The following KIF2C variants were observed in gnomAD, a reference collection of about 807,000 sequenced individuals.
KIF2C encodes kinesin family member 2C.
Under a neutral mutation model 97.4 loss-of-function variants are expected in KIF2C, and 34 were observed. The ratio of observed to expected loss-of-function variants is 0.35; its 90% confidence interval spans 0.27 to 0.46. KIF2C has a LOEUF of 0.46. KIF2C is among the 20% of genes least tolerant of loss of function. The probability of loss-of-function intolerance (pLI) is 1.00; values close to 1 mark genes in which losing one functional copy is unlikely to be tolerated. For missense variants in KIF2C, 750 were observed against 907.6 expected, an observed-to-expected ratio of 0.83 and a Z score of 2.23; for synonymous variants, 313 against 318.2, an observed-to-expected ratio of 0.98 and a Z score of 0.17.
At chr1:44,749,563 G>A (rs1034817661) in intron 4 of KIF2C, among the ~76,000 whole-genome samples, 1 of 152,016 alleles carries the variant, frequency 6.6e-6, no homozygotes, top group Non-Finnish European at 1.5e-5. Flanking sequence ...ACCAGCCTGG[G>A]CAATATAGCA....
intron 5 of KIF2C, 45 bp from the exon 6 acceptor site, chr1:44,753,087 G>A (rs747895656): frequency 6.3e-7 from 1 of 1,585,590 alleles, no homozygotes; most frequent in South Asian, 1.1e-5. Flanking sequence ...TGAGATGCCT[G>A]TGGTATACTT....
rs1420390396 is a variant in KIF2C at position 44,739,931 on chromosome 1, G to T, written c.-2G>T. The T allele has an allele frequency of 1.9e-6, 3 of 1,613,998 alleles. No individual in the cohort carries two copies. Among genetic ancestry groups the T allele is most frequent in the African/African-American group, 2.7e-5 (2 of 74,932 alleles). ...CGTTTCTCTTCCTTGCTGACTCTCC[G>T]AATGGCCATGGACTCGTCGCTTCAG... is the stretch of plus-strand genomic sequence containing the variant. On this transcript the variant is annotated 5_prime_UTR_variant, in exon 1 of 21. Transcript: ENST00000372224.
chr1:44,743,047 G>A (rs528875497), intron 2 of KIF2C, among the ~76,000 whole-genome samples: 5 of 152,208 alleles, frequency 3.3e-5, no homozygotes, highest in Non-Finnish European at 5.9e-5. Flanking sequence ...AGCTGGCCAC[G>A]AGCAGTGCAG....
At chr1:44,749,774 G>T (rs1649407564) in intron 4 of KIF2C, among the ~76,000 whole-genome samples, 2 of 149,544 alleles carry the variant, frequency 1.3e-5, no homozygotes, top group African/African-American at 4.9e-5. Context: ...GGCAGTGTGA[G>T]ACTCTGTCTC....
At chr1:44,756,009 G>A in intron 9 of KIF2C, 26 bp downstream of exon 9, 1 of 1,613,848 alleles carries the variant, frequency 6.2e-7, no homozygotes, top group Non-Finnish European at 8.5e-7. Context: ...TCAGGAAGAG[G>A]CTTCAGACTG....
Position 44,740,950 on chromosome 1 carries a change from G to A in KIF2C, c.108G>A (p.Leu36=). Residue 36 remains leucine, a synonymous_variant, in exon 2 of 21, where the codon TTG becomes TTA. Transcript: ENST00000372224. ...GTGCCAATGTAAGGACTGTGAACTT[G>A]GAGAAATCCTGTGTTTCAGTGGAAT... ...IHSANVRTVN[L]EKSCVSVEWA... The A allele has an allele frequency of 1.2e-6, 2 of 1,613,800 alleles. No individual in the cohort carries two copies. Among genetic ancestry groups the A allele is most frequent in the Admixed American group, 3.3e-5 (2 of 60,010 alleles).
chr1:44,756,749 G>C, intron 10 of KIF2C, among the ~76,000 whole-genome samples: 1 of 149,536 alleles, frequency 6.7e-6, no homozygotes, highest in Non-Finnish European at 1.5e-5. Flanking sequence ...ACAGGGTTTC[G>C]CCCTGTTGGT....
At chr1:44,761,452 A>C (rs1042094806) in intron 16 of KIF2C, among the ~76,000 whole-genome samples, 1 of 150,106 alleles carries the variant, frequency 6.7e-6, no homozygotes, top group African/African-American at 2.4e-5. Context: ...TTAAAAAATA[A>C]AAAAAATTAG....
At chr1:44,746,758 T>A in intron 2 of KIF2C, 1 of 1,609,276 alleles carries the variant, frequency 6.2e-7, no homozygotes, top group Non-Finnish European at 8.5e-7. Flanking sequence ...TCCATCTAGA[T>A]GGTAAACCAT....
chr1:44,747,981 T>C (rs142001796), intron 4 of KIF2C, among the ~76,000 whole-genome samples: 356 of 152,374 alleles, frequency 2.3e-3, no homozygotes, highest in Non-Finnish European at 3.9e-3. Context: ...CAGCCATTGG[T>C]AGGCCTTTTT....
Position 44,760,699 on chromosome 1 carries a change from C to A in KIF2C, c.1680C>A (p.Cys560Ter). 2 of 1,611,104 alleles carry A rather than the reference C, an allele frequency of 1.2e-6. No homozygotes were observed. Among genetic ancestry groups the A allele is most frequent in the Non-Finnish European group, 1.7e-6 (2 of 1,177,274 alleles). The change falls in exon 16 of 21, where the codon TGC becomes TGA. Residue 560 changes from cysteine (C) to a stop codon, truncating the protein, a stop_gained. Coordinates refer to ENST00000372224, the MANE Select transcript of KIF2C (RefSeq NM_006845.4). LOFTEE classifies it high-confidence loss of function. The surrounding 1 kb of genome is among the most constrained non-coding windows in gnomAD (Gnocchi z 4.2). ...DSFIGENSRT[C>*]MIATISPGIS... ...TCATTGGGGAGAACTCTAGGACTTG[C>A]ATGGTGAGTAGGGTCACTTTGAAGG...
Position 44,741,996 on chromosome 1 carries a change from CA to C in KIF2C, c.165+1012del, listed in dbSNP as rs397980058. On this transcript the variant is annotated intron_variant, in intron 2 of 20. Transcript: ENST00000372224. ...TGGGCAACAGAATGAGGACTTGTCT[CA>C]AAAAAAAAAAAAAAAAAAAAAAGAA... 6.9e-3 allele frequency among the ~76,000 whole-genome samples: 466 copies of C among 67,728 alleles called. 2 individuals carry two copies. Among genetic ancestry groups the C allele is most frequent in the African/African-American group, 0.025 (392 of 15,538 alleles). 44.4% of individuals were successfully genotyped at this position (67,728 alleles called of 152,430 possible).
intron 19 of KIF2C, among the ~76,000 whole-genome samples, chr1:44,763,057 T>C (rs1401453201): frequency 6.6e-6 from 1 of 152,220 alleles, no homozygotes; most frequent in Non-Finnish European, 1.5e-5. Flanking sequence ...AGATCAATCC[T>C]GTCTCTTCCA....
At chr1:44,761,467 G>A (rs1408155372) in intron 16 of KIF2C, among the ~76,000 whole-genome samples, 1 of 152,114 alleles carries the variant, frequency 6.6e-6, no homozygotes, top group Non-Finnish European at 1.5e-5. Flanking sequence ...AATTAGCCAG[G>A]TGTGGTGGCA....
At chr1:44,766,065 T>A (rs1650448623) in intron 19 of KIF2C, among the ~76,000 whole-genome samples, 1 of 145,038 alleles carries the variant, frequency 6.9e-6, no homozygotes, top group African/African-American at 2.6e-5. Flanking sequence ...AAAAAATAAA[T>A]AAATAAATAA....
In KIF2C at chr1:44,739,856, G is replaced by A. The variant is rs1221588612; in HGVS notation, c.-77G>A. On this transcript the variant is annotated 5_prime_UTR_variant, in exon 1 of 21. Transcript: ENST00000372224. ...GGATTTAAACTGCGGCGGTTTACGC[G>A]GCGTTAAGACTTCGTAGGGTTAGCG... 6.8e-6 allele frequency: 9 copies of A among 1,315,706 alleles called. No homozygotes were observed. The East Asian group carries it at 7.0e-5, about 10-fold the overall frequency. The allele number at this position is 1,315,706 out of a possible 1,614,324, so 81.5% of individuals were successfully genotyped here. A position where few individuals can be genotyped will look rare whatever the true frequency, so the allele number is the denominator to read the frequency against.
At chr1:44,763,311 T>C (rs1650266779) in intron 19 of KIF2C, among the ~76,000 whole-genome samples, 1 of 152,086 alleles carries the variant, frequency 6.6e-6, no homozygotes, top group African/African-American at 2.4e-5. Flanking sequence ...GGTGGGGCGC[T>C]CAGAGGATTG....
rs1392628673 is a variant in KIF2C, at chr1:44,745,990, C to T, written c.166-1394C>T. On this transcript the variant is annotated intron_variant, in intron 2 of 20. Transcript: ENST00000372224. The stretch of plus-strand genomic sequence containing the variant: ...CTCCTGGGTTCACGCCATTCTCCTG[C>T]CTCAGGCTCCTGAGTAGCTGGGATT... Among the ~76,000 whole-genome samples, 3 of 152,156 alleles carry T rather than the reference C, an allele frequency of 2.0e-5. No individual in the cohort carries two copies. In the South Asian group the frequency reaches 6.2e-4, roughly 31 times the overall value.
At chr1:44,750,044 T>A (rs533060023) in intron 4 of KIF2C, among the ~76,000 whole-genome samples, 1 of 137,776 alleles carries the variant, frequency 7.3e-6, no homozygotes, top group African/African-American at 2.8e-5. Flanking sequence ...ATCGCGCCAC[T>A]GCACACCAGC....
Sources: allele counts gnomAD v4.1 joint callset (sites outside exome capture counted in the v4.1 genomes callset), GRCh38; gene constraint gnomAD v4.1.1; non-coding constraint Gnocchi (gnomAD v3.1); transcripts MANE v1.5; gene names NCBI Gene and HGNC (gene_info 2026-07-23, HGNC 2026-07-21).